ROBO1: variants seen among roughly 807,000 people sequenced by gnomAD.
ROBO1 encodes the protein roundabout guidance receptor 1.
ROBO1 carries 149 observed loss-of-function variants against 195.9 expected under a neutral mutation model. The observed-to-expected ratio is 0.76, with a 90% CI of 0.67 to 0.87. The LOEUF (loss-of-function observed/expected upper bound fraction) is 0.87. Ranked by LOEUF, ROBO1 falls within the 40% of genes least tolerant of loss-of-function variation. The pLI is 0.00. For synonymous variants in ROBO1, 816 were observed against 733.2 expected (o/e 1.11, Z -1.82); for missense variants, 1,933 against 2,068.3 (o/e 0.93, Z 1.27).
At chr3:78,742,221 C>A (rs2082550135) in intron 5 of ROBO1, among the ~76,000 whole-genome samples, 1 of 152,078 alleles carries the variant, frequency 6.6e-6, no homozygotes, top group Non-Finnish European at 1.5e-5. Flanking sequence ...CTTCAATTGT[C>A]TTTCATAACG....
intron 3 of ROBO1, among the ~76,000 whole-genome samples, chr3:78,943,685 T>G (rs1391596875): frequency 6.6e-6 from 1 of 152,234 alleles, no homozygotes; most frequent in Non-Finnish European, 1.5e-5. Context: ...TTTTTTATTT[T>G]TATTTTTTGC....
rs192879976 is a variant in ROBO1, at chr3:79,480,863, T to C, written c.88+108961A>G. 3.9e-5 allele frequency among the ~76,000 whole-genome samples: 6 copies of C among 152,248 alleles called. No homozygotes were observed. In the East Asian group the frequency reaches 9.7e-4, roughly 25 times the overall value. On this transcript the variant is annotated intron_variant, in intron 2 of 30. Transcript: ENST00000464233. ...CATTCTAAATCATCACTATTACATA[T>C]GATTTCATTTTATTTCTAATAGGCT...
intron 18 of ROBO1, among the ~76,000 whole-genome samples, chr3:78,653,523 T>A (rs1051799100): frequency 1.3e-5 from 2 of 152,220 alleles, no homozygotes; most frequent in Non-Finnish European, 2.9e-5. Flanking sequence ...CTTCCCCACC[T>A]GGATTCCCAC....
chr3:79,700,161 T>C (rs1947571477), intron 1 of ROBO1, among the ~76,000 whole-genome samples: 2 of 151,778 alleles, frequency 1.3e-5, no homozygotes, highest in Non-Finnish European at 2.9e-5. Flanking sequence ...GCAAAAGACA[T>C]GATTTTGGTT....
intron 4 of ROBO1, among the ~76,000 whole-genome samples, chr3:78,823,183 A>G (rs1012137423): frequency 1.8e-4 from 15 of 84,928 alleles, no homozygotes; most frequent in African/African-American, 7.4e-4. Flanking sequence ...ATAATGATTT[A>G]AAATGATTTT....
rs145535106 is a variant in ROBO1, at chr3:79,689,148, A to G, written c.-51+78604T>C. 7.3e-4 allele frequency among the ~76,000 whole-genome samples: 111 copies of G among 152,176 alleles called. No individual in the cohort carries two copies. The East Asian group carries it at 0.011, about 16-fold the overall frequency. On this transcript the variant is annotated intron_variant, in intron 1 of 30. Transcript: ENST00000464233. ...ATAATCAGTAGATGAAACCTGGAAA[A>G]AAACCTCAAAAACACTAAGCTTAAT...
intron 2 of ROBO1, among the ~76,000 whole-genome samples, chr3:79,223,022 G>T (rs2082168480): frequency 6.6e-6 from 1 of 152,144 alleles, no homozygotes; most frequent in Non-Finnish European, 1.5e-5. Flanking sequence ...TATGCAAATG[G>T]TAAACTTAGC....
At chr3:78,617,518 A>AC (rs1415735197) in intron 27 of ROBO1, 117 bp downstream of exon 27, 37 of 1,143,528 alleles carry the variant, frequency 3.2e-5, no homozygotes, top group Non-Finnish European at 4.2e-5. Flanking sequence ...AAAAAAAAAA[A>AC]AAACTGTAAG....
intron 3 of ROBO1, among the ~76,000 whole-genome samples, chr3:78,980,117 A>G (rs1219172541): frequency 6.6e-6 from 1 of 152,152 alleles, no homozygotes; most frequent in Non-Finnish European, 1.5e-5. Flanking sequence ...ACATATATTC[A>G]ATTAAATTAA....
At chr3:78,971,509 G>A (rs2076765812) in intron 3 of ROBO1, among the ~76,000 whole-genome samples, 1 of 152,174 alleles carries the variant, frequency 6.6e-6, no homozygotes, top group Admixed American at 6.5e-5. Flanking sequence ...GAGAACTGCT[G>A]ATACACAGAA....
intron 3 of ROBO1, among the ~76,000 whole-genome samples, chr3:79,093,753 G>A (rs1004377770): frequency 2.6e-5 from 4 of 151,806 alleles, no homozygotes; most frequent in African/African-American, 9.7e-5. Context: ...ACCCATTAAT[G>A]GGTACATTAA....
chr3:78,993,814 T>C (rs1215149891), intron 3 of ROBO1, among the ~76,000 whole-genome samples: 1 of 152,192 alleles, frequency 6.6e-6, no homozygotes, highest in Non-Finnish European at 1.5e-5. Flanking sequence ...AAACAAGATG[T>C]TCTCTAAATT....
intron 3 of ROBO1, among the ~76,000 whole-genome samples, chr3:79,041,145 A>G (rs1292783418): frequency 6.6e-6 from 1 of 152,152 alleles, no homozygotes; most frequent in East Asian, 1.9e-4. Flanking sequence ...TCACTCCTCT[A>G]AGAAGAAGGG....
At chr3:78,630,996 AAGG>A (rs1214161393) in intron 25 of ROBO1, among the ~76,000 whole-genome samples, 162 bp downstream of exon 25, 12 of 152,286 alleles carry the variant, frequency 7.9e-5, no homozygotes, top group African/African-American at 2.6e-4. Context: ...TGGAAGCAGC[AAGG>A]AGAATTTTTA....
intron 3 of ROBO1, among the ~76,000 whole-genome samples, chr3:79,113,222 T>C (rs2079922971): frequency 6.6e-6 from 1 of 152,092 alleles, no homozygotes; most frequent in South Asian, 2.1e-4. Context: ...TACCTAGAGA[T>C]CCAAAACACT....
At chr3:78,952,603 A>T (rs1287496407) in intron 3 of ROBO1, among the ~76,000 whole-genome samples, 2 of 151,974 alleles carry the variant, frequency 1.3e-5, no homozygotes, top group Non-Finnish European at 2.9e-5. Flanking sequence ...CTCACTGTGC[A>T]GAGTAGATTT....
chr3:79,331,670 T>C (rs1270865664), intron 2 of ROBO1, among the ~76,000 whole-genome samples: 4 of 152,072 alleles, frequency 2.6e-5, no homozygotes. Flanking sequence ...AAAAAGTGTG[T>C]CAAATAACGG....
intron 1 of ROBO1, among the ~76,000 whole-genome samples, chr3:79,754,716 T>C (rs1704296156): frequency 6.6e-6 from 1 of 152,184 alleles, no homozygotes; most frequent in Non-Finnish European, 1.5e-5. Context: ...AACCAAAATC[T>C]TTCTTTGCTG....
chr3:78,774,031 T>C (rs2083443307), intron 4 of ROBO1, among the ~76,000 whole-genome samples: 1 of 152,212 alleles, frequency 6.6e-6, no homozygotes, highest in African/African-American at 2.4e-5. Context: ...GGAGATGCAC[T>C]CCTTTTCTTA....
Sources: gnomAD v4.1 joint callset for allele counts (sites outside exome capture counted in the v4.1 genomes callset) on GRCh38, gnomAD v4.1.1 for gene constraint, MANE v1.5 for transcripts, NCBI Gene and HGNC (gene_info 2026-07-23, HGNC 2026-07-21) for gene names.